Variants in ACYP2 observed in about 807,000 individuals in gnomAD.
ACYP2 encodes acylphosphatase-2.
ACYP2 carries 12 observed loss-of-function variants against 11.2 expected under a neutral mutation model. That is an observed-to-expected ratio of 1.08 (90% CI 0.69 to 1.74). ACYP2 has a LOEUF of 1.74. Among genes scored for constraint, ACYP2 ranks in the 40% most tolerant of loss-of-function variants. The pLI, the probability that ACYP2 is intolerant of heterozygous loss-of-function variation, is 0.00. For missense variants in ACYP2, 134 were observed against 101.9 expected (o/e 1.31, Z -1.35); for synonymous variants, 43 against 32.2 (o/e 1.33, Z -1.13).
At chr2:54,047,964 C>G (rs1390361079) in intron 2 of ACYP2, among the ~76,000 whole-genome samples, 3 of 152,162 alleles carry the variant, frequency 2.0e-5, no homozygotes, top group African/African-American at 4.8e-5. Flanking sequence ...TTCCCCCAGC[C>G]AAGGCTGGTT....
chr2:54,016,982 C>T lies in ACYP2; in HGVS notation c.63-33976C>T, dbSNP rs192478794. Among the ~76,000 whole-genome samples the T allele has an allele frequency of 2.6e-3, 389 of 152,248 alleles. 2 individuals carry two copies. The highest frequency in any genetic ancestry group is 7.8e-3 in the African/African-American group (323 of 41,554). On this transcript the variant is annotated intron_variant, in intron 2 of 6. Coordinates refer to ENST00000607452, the MANE Select transcript of ACYP2 (RefSeq NM_001320586.2). Reference sequence around the variant, plus strand: ...CCTCATGATCCACCCATCTCGGCCTCCCAAAGTGCTGAGATTACAGGCGTG... The same window carrying T: ...CCTCATGATCCACCCATCTCGGCCTTCCAAAGTGCTGAGATTACAGGCGTG...
chr2:54,137,893 C>T (rs367683156), intron 5 of ACYP2, among the ~76,000 whole-genome samples: 6 of 152,174 alleles, frequency 3.9e-5, no homozygotes, highest in Admixed American at 6.6e-5. Context: ...GTTTGCACTC[C>T]CACCAACAGT....
chr2:54,039,231 T>A (rs1573581294), intron 2 of ACYP2, among the ~76,000 whole-genome samples: 1 of 151,772 alleles, frequency 6.6e-6, no homozygotes, highest in East Asian at 1.9e-4. Context: ...TTTTTTTTTT[T>A]TTTTCCCCAG....
At chr2:54,010,737 C>CTTTTTTTTTTT (rs539896151) in intron 2 of ACYP2, among the ~76,000 whole-genome samples, 8 of 107,656 alleles carry the variant, frequency 7.4e-5, no homozygotes, top group African/African-American at 1.5e-4. Flanking sequence ...TTCTTTCTTT[C>CTTTTTTTTTTT]TTTTTTTTTT....
At chr2:53,982,052 G>T (rs1671790513) in intron 2 of ACYP2, among the ~76,000 whole-genome samples, 1 of 152,124 alleles carries the variant, frequency 6.6e-6, no homozygotes, top group Admixed American at 6.6e-5. Context: ...ATAGTAAAGA[G>T]ATGTATTTTT....
intron 6 of ACYP2, chr2:54,255,210 C>G: frequency 6.2e-7 from 1 of 1,614,196 alleles, no homozygotes; most frequent in Non-Finnish European, 8.5e-7. Flanking sequence ...AGGATCTGAC[C>G]TCATACACCT....
At chr2:53,994,431 A>G (rs1672462630) in intron 2 of ACYP2, among the ~76,000 whole-genome samples, 1 of 151,038 alleles carries the variant, frequency 6.6e-6, no homozygotes, top group Non-Finnish European at 1.5e-5. Flanking sequence ...AGGCAGGAGA[A>G]TCACTTGAAC....
intron 4 of ACYP2, chr2:54,123,191 T>C (rs1183627161): frequency 2.5e-6 from 1 of 395,168 alleles, no homozygotes; most frequent in African/African-American, 2.1e-5. Flanking sequence ...ACACTAATGA[T>C]ACGCCTCCTC....
intron 2 of ACYP2, among the ~76,000 whole-genome samples, chr2:53,980,877 C>T (rs1461654450): frequency 1.3e-5 from 2 of 152,044 alleles, no homozygotes; most frequent in Non-Finnish European, 1.5e-5. Context: ...CTCAGCCTCC[C>T]GAGTAGCTGT....
rs78283238 is a variant in ACYP2 at position 54,236,732 on chromosome 2, C to T, written c.405-67956C>T. 2.2e-3 allele frequency among the ~76,000 whole-genome samples: 334 copies of T among 152,124 alleles called. 3 individuals are homozygous for T. Among genetic ancestry groups the T allele is most frequent in the Admixed American group, 3.8e-3 (58 of 15,286 alleles). ...AAAGTATTGTTCAAATTTTACATAT[C>T]GTTATAAATTATCTGATATACCTGA... On this transcript the variant is annotated intron_variant, in intron 6 of 6. Coordinates refer to ENST00000607452, the MANE Select transcript of ACYP2 (RefSeq NM_001320586.2).
At chr2:54,124,133 T>G (rs1680322251) in intron 4 of ACYP2, among the ~76,000 whole-genome samples, 1 of 152,048 alleles carries the variant, frequency 6.6e-6, no homozygotes, top group African/African-American at 2.4e-5. Flanking sequence ...CCATAACCTC[T>G]CCTTCAAAAC....
intron 2 of ACYP2, among the ~76,000 whole-genome samples, chr2:54,046,376 G>C (rs546773384): frequency 6.6e-6 from 1 of 151,802 alleles, no homozygotes; most frequent in East Asian, 1.9e-4. Context: ...CTACTCAGGA[G>C]GCTGAGGCAG....
At chr2:54,183,184 A>G (rs567779167) in intron 6 of ACYP2, among the ~76,000 whole-genome samples, 1 of 152,316 alleles carries the variant, frequency 6.6e-6, no homozygotes, top group Admixed American at 6.5e-5. Context: ...TTGTAAAGCT[A>G]TGGTTTCCAT....
intron 2 of ACYP2, among the ~76,000 whole-genome samples, chr2:53,993,012 C>A (rs1672383299): frequency 6.6e-6 from 1 of 152,088 alleles, no homozygotes. Context: ...TCGAGACCAG[C>A]CTGACCAACA....
At chr2:54,145,635 G>A (rs1558567963) in intron 6 of ACYP2, among the ~76,000 whole-genome samples, 1 of 151,908 alleles carries the variant, frequency 6.6e-6, no homozygotes, top group South Asian at 2.1e-4. Flanking sequence ...CATTGTTAGA[G>A]TATTTAAAGC....
intron 2 of ACYP2, among the ~76,000 whole-genome samples, chr2:53,997,428 A>C (rs1573478716): frequency 6.6e-6 from 1 of 151,984 alleles, no homozygotes; most frequent in African/African-American, 2.4e-5. Flanking sequence ...GCCTCAGCCT[A>C]CTGAGTAGCT....
At chr2:54,083,806 C>T (rs1176674396) in intron 4 of ACYP2, among the ~76,000 whole-genome samples, 1 of 152,104 alleles carries the variant, frequency 6.6e-6, no homozygotes, top group African/African-American at 2.4e-5. Flanking sequence ...ATAAAACTGG[C>T]CAAATCCCAT....
At chr2:54,293,663 G>A (rs1689404567) in intron 6 of ACYP2, among the ~76,000 whole-genome samples, 2 of 152,228 alleles carry the variant, frequency 1.3e-5, no homozygotes. Flanking sequence ...GCCAGATGTT[G>A]CACTAAGTGA....
chr2:54,121,410 AG>A (rs1280814782), intron 4 of ACYP2, among the ~76,000 whole-genome samples: 1 of 152,198 alleles, frequency 6.6e-6, no homozygotes, highest in Admixed American at 6.5e-5. Flanking sequence ...ACTCGGTTTC[AG>A]GTTTCACTTG....
Sources: gnomAD v4.1 joint callset for allele counts (sites outside exome capture counted in the v4.1 genomes callset) on GRCh38, gnomAD v4.1.1 for gene constraint, MANE v1.5 for transcripts, NCBI Gene and HGNC (gene_info 2026-07-23, HGNC 2026-07-21) for gene names.